Variants in ARMC2 observed in about 807,000 individuals in gnomAD.
ARMC2 encodes the protein armadillo repeat-containing protein 2.
In ARMC2, 67 loss-of-function variants were observed where a neutral mutation model predicts 90.3. The ratio of observed to expected loss-of-function variants is 0.74; its 90% CI spans 0.61 to 0.91. The LOEUF (loss-of-function observed/expected upper bound fraction) is 0.91. Ranked by LOEUF, ARMC2 falls within the 40% of genes least tolerant of loss-of-function variation. The pLI, the probability that ARMC2 is intolerant of heterozygous loss-of-function variation, is 0.00. For synonymous variants in ARMC2, 393 were observed against 393.0 expected (o/e 1.00, Z 0.00); for missense variants, 920 against 1,030.9 (o/e 0.89, Z 1.47).
At chr6:109,023,442 T>C in the ARMC2 span, among the ~76,000 whole-genome samples, 2 of 152,192 alleles carry the variant, frequency 1.3e-5, no homozygotes, top group Non-Finnish European at 2.9e-5. Context: ...CTCCAAAATA[T>C]GATCCACTAT....
At chr6:109,037,105 G>A in the ARMC2 span, among the ~76,000 whole-genome samples, 6 of 152,124 alleles carry the variant, frequency 3.9e-5, no homozygotes, top group African/African-American at 1.4e-4. Flanking sequence ...TTTCTAAGTA[G>A]TAAAGACAAT....
chr6:108,895,020 C>A (rs1026093359), intron 6 of ARMC2, among the ~76,000 whole-genome samples: 2 of 150,622 alleles, frequency 1.3e-5, no homozygotes, highest in African/African-American at 4.9e-5. Flanking sequence ...CCTGCCTCAG[C>A]CTTCCAAAGT....
chr6:109,001,733 G>A, the ARMC2 span, among the ~76,000 whole-genome samples: 1 of 152,290 alleles, frequency 6.6e-6, no homozygotes, highest in African/African-American at 2.4e-5. Flanking sequence ...TGCTTGCAGA[G>A]TTGGCCAGAA....
the ARMC2 span, among the ~76,000 whole-genome samples, chr6:109,020,695 C>A: frequency 2.6e-5 from 4 of 152,166 alleles, no homozygotes; most frequent in African/African-American, 9.7e-5. Context: ...GATTTCATCA[C>A]TGTTATATTT....
the ARMC2 span, among the ~76,000 whole-genome samples, chr6:109,007,223 G>A: frequency 6.6e-6 from 1 of 152,168 alleles, no homozygotes; most frequent in African/African-American, 2.4e-5. Flanking sequence ...ACCACAGAAA[G>A]ACTATGTTTT....
intron 7 of ARMC2, among the ~76,000 whole-genome samples, chr6:108,904,017 A>G (rs575840658): frequency 6.6e-6 from 1 of 152,330 alleles, no homozygotes; most frequent in African/African-American, 2.4e-5. Context: ...CTAATGACTG[A>G]TAAGCAATAA....
At chr6:109,008,949 A>C in the ARMC2 span, 7 of 993,942 alleles carry the variant, frequency 7.0e-6, no homozygotes, top group Non-Finnish European at 8.4e-6. Context: ...TGTTTTCACA[A>C]GACAAGACAA....
At chr6:108,915,100 C>T (rs1773816458) in intron 10 of ARMC2, among the ~76,000 whole-genome samples, 1 of 151,816 alleles carries the variant, frequency 6.6e-6, no homozygotes, top group Non-Finnish European at 1.5e-5. Flanking sequence ...TTACAGGCAC[C>T]CGCCACCACG....
intron 17 of ARMC2, among the ~76,000 whole-genome samples, chr6:108,965,419 C>A (rs1031673286): frequency 7.5e-6 from 1 of 133,076 alleles, no homozygotes; most frequent in Non-Finnish European, 1.5e-5. Flanking sequence ...AAATATAAGA[C>A]CTCAGCGTAA....
At chr6:109,001,484 A>C in the ARMC2 span, 1 of 1,611,694 alleles carries the variant, frequency 6.2e-7, no homozygotes, top group South Asian at 1.1e-5. Flanking sequence ...CCCCACTTGG[A>C]GGATCTGTAT....
At position 108,952,627 on chromosome 6, in the gene ARMC2, C is replaced by A. The variant is rs145443914; in HGVS notation, c.1597-406C>A. Among the ~76,000 whole-genome samples, 240 of 152,314 alleles carry A rather than the reference C, an allele frequency of 1.6e-3. 1 individual carries two copies. Among genetic ancestry groups the A allele is most frequent in the African/African-American group, 5.6e-3 (234 of 41,556 alleles). On this transcript the variant is annotated intron_variant, in intron 12 of 17. Transcript: ENST00000392644. Reference sequence around the variant, plus strand: ...GCCCAAATTCAAAAACACCATACTTCAGCAGGAGACGAAATTTTAAGGAAA... The same window carrying A: ...GCCCAAATTCAAAAACACCATACTTAAGCAGGAGACGAAATTTTAAGGAAA...
chr6:109,019,398 CTCATTAATG>C, the ARMC2 span, among the ~76,000 whole-genome samples: 5 of 152,334 alleles, frequency 3.3e-5, no homozygotes, highest in East Asian at 9.6e-4. Flanking sequence ...AAGTCTTATT[CTCATTAATG>C]CCAAATAGAG....
At position 108,973,416 on chromosome 6, in the gene ARMC2, C is replaced by T. The variant is rs919755509; in HGVS notation, c.2506C>T (p.His836Tyr). ...DPDLKNYHKL[H>Y]WETEFKPVAQ... is the part of the protein sequence containing the mutation. ...AGACCTAAAAAACTATCACAAACTCCATTGGGAAACAGAATTCAAACCTGT... is the reference window on the plus strand; with the variant it reads ...AGACCTAAAAAACTATCACAAACTCTATTGGGAAACAGAATTCAAACCTGT... Residue 836 changes from histidine to tyrosine, a missense_variant, in exon 18 of 18, where the codon CAT becomes TAT. Physicochemically the swap from His to Tyr is moderately conservative, Grantham distance 83 (BLOSUM62 2). Coordinates refer to ENST00000392644, the MANE Select transcript of ARMC2 (RefSeq NM_032131.6). 3 of 1,613,706 alleles carry T rather than the reference C, an allele frequency of 1.9e-6. No individual in the cohort carries two copies. The highest frequency in any genetic ancestry group is 3.3e-5 in the Admixed American group (2 of 60,004).
intron 12 of ARMC2, among the ~76,000 whole-genome samples, chr6:108,948,198 G>A (rs1776939132): frequency 6.6e-6 from 1 of 152,186 alleles, no homozygotes; most frequent in Non-Finnish European, 1.5e-5. Flanking sequence ...CGCAGACCTT[G>A]GTTCAGTAGG....
At chr6:108,900,193 T>C (rs1338599770) in intron 7 of ARMC2, among the ~76,000 whole-genome samples, 1 of 152,240 alleles carries the variant, frequency 6.6e-6, no homozygotes, top group East Asian at 1.9e-4. Context: ...TTGACAGGTG[T>C]GCCCGTGGTT....
At chr6:108,979,811 C>T in the ARMC2 span, among the ~76,000 whole-genome samples, 2 of 151,576 alleles carry the variant, frequency 1.3e-5, no homozygotes, top group Admixed American at 6.6e-5. Flanking sequence ...GTATGCTTCA[C>T]GAAGTTCTTG....
chr6:109,002,371 G>C, the ARMC2 span: 1 of 1,585,808 alleles, frequency 6.3e-7, no homozygotes, highest in Non-Finnish European at 8.7e-7. Context: ...ACCATCTCAG[G>C]CCTTTGGCAG....
chr6:108,894,169 G>T (rs929578520), intron 5 of ARMC2, among the ~76,000 whole-genome samples: 3 of 151,964 alleles, frequency 2.0e-5, no homozygotes, highest in Non-Finnish European at 4.4e-5. Flanking sequence ...GGAATCACCA[G>T]CCTGGACAAC....
chr6:108,999,589 A>G, the ARMC2 span, among the ~76,000 whole-genome samples: 1 of 152,148 alleles, frequency 6.6e-6, no homozygotes, highest in African/African-American at 2.4e-5. Context: ...GCCACTTCAC[A>G]CTTATCAGAA....
Sources: gnomAD v4.1 joint callset for allele counts (sites outside exome capture counted in the v4.1 genomes callset) on GRCh38, gnomAD v4.1.1 for gene constraint, MANE v1.5 for transcripts, NCBI Gene and HGNC (gene_info 2026-07-23, HGNC 2026-07-21) for gene names.